The following SI variants were observed in gnomAD, a reference collection of about 807,000 sequenced individuals.
The protein encoded by SI is sucrase-isomaltase.
A neutral mutation model predicts 253.3 loss-of-function variants in SI; 235 were observed. That is an observed-to-expected ratio of 0.93 (90% confidence interval 0.83 to 1.03). The LOEUF (loss-of-function observed/expected upper bound fraction) is 1.03, where lower values mean the gene tolerates loss of function less well. SI is among the 50% of genes least tolerant of loss of function. The probability of loss-of-function intolerance (pLI) is 0.00; values close to 1 mark genes in which losing one functional copy is unlikely to be tolerated. For missense variants in SI, 2,442 were observed against 2,211.1 expected (o/e 1.10, Z -2.09); for synonymous variants, 819 against 712.0 (o/e 1.15, Z -2.39).
At chr3:165,019,043 G>C (rs1719178462) in intron 28 of SI, among the ~76,000 whole-genome samples, 1 of 151,686 alleles carries the variant, frequency 6.6e-6, no homozygotes, top group Admixed American at 6.6e-5. Context: ...GAATATTATA[G>C]ATAATATTAT....
At chr3:164,984,509 A>T (rs1464616494) in intron 45 of SI, among the ~76,000 whole-genome samples, 1 of 152,124 alleles carries the variant, frequency 6.6e-6, no homozygotes, top group Non-Finnish European at 1.5e-5. Flanking sequence ...ATTCTGAGTT[A>T]AAAAAAGCAA....
At chr3:165,066,036 C>G (rs1369581466) in intron 6 of SI, among the ~76,000 whole-genome samples, 1 of 151,710 alleles carries the variant, frequency 6.6e-6, no homozygotes, top group African/African-American at 2.4e-5. Flanking sequence ...ATGGATTCAA[C>G]CAACCAGGGA....
At chr3:165,074,181 T>G (rs1035451354) in intron 3 of SI, among the ~76,000 whole-genome samples, 1 of 152,098 alleles carries the variant, frequency 6.6e-6, no homozygotes, top group Admixed American at 6.6e-5. Context: ...ACAAATACTC[T>G]ACTGGAACAT....
intron 22 of SI, among the ~76,000 whole-genome samples, chr3:165,033,940 T>G (rs1459581809): frequency 1.3e-5 from 2 of 151,640 alleles, no homozygotes; most frequent in Middle Eastern, 3.8e-3. Context: ...TTAAATAAAC[T>G]TTAATGAGGA....
chr3:165,055,448 T>G, intron 12 of SI, 141 bp from the exon 13 acceptor site: 1 of 550,816 alleles, frequency 1.8e-6, no homozygotes, highest in Non-Finnish European at 3.2e-6. Flanking sequence ...TATATAAATT[T>G]ACAAGAATAT....
rs769222598 is a variant in SI at position 165,075,961 on chromosome 3, C to G, written c.52G>C (p.Val18Leu). The change falls in exon 2 of 48, where the codon GTC becomes CTC. Residue 18 changes from valine (V) to leucine (L), a missense_variant. Coordinates refer to ENST00000264382, the MANE Select transcript of SI (RefSeq NM_001041.4). ...GLEISLIVLF[V>L]IVTIIAIALI... ...GCAATAGCTATTATAGTAACTATGA[C>G]AAAAAGGACAATCAGAGAGATTTCC... The G allele has an allele frequency of 1.3e-5, 21 of 1,596,556 alleles. No homozygotes were observed. The African/African-American group carries it at 2.3e-4, about 17-fold the overall frequency.
intron 28 of SI, among the ~76,000 whole-genome samples, 197 bp from the exon 29 acceptor site, chr3:165,018,263 T>A (rs557821660): frequency 4.6e-4 from 69 of 151,322 alleles, no homozygotes; most frequent in African/African-American, 1.6e-3. Flanking sequence ...TTTCGTGCAG[T>A]TTACAAATAT....
chr3:165,060,902 T>C (rs1713954282), intron 9 of SI, among the ~76,000 whole-genome samples: 1 of 148,232 alleles, frequency 6.7e-6, no homozygotes, highest in Non-Finnish European at 1.5e-5. Context: ...GATTTCTCCA[T>C]GATACATATG....
At chr3:165,006,466 G>T (rs751860198) in intron 37 of SI, among the ~76,000 whole-genome samples, 1 of 152,064 alleles carries the variant, frequency 6.6e-6, no homozygotes, top group East Asian at 1.9e-4. Context: ...ATGTCTTAAT[G>T]ATATCAAATT....
chr3:164,992,121 C>G, intron 43 of SI, 56 bp downstream of exon 43: 1 of 1,410,010 alleles, frequency 7.1e-7, no homozygotes, highest in Admixed American at 1.7e-5. Flanking sequence ...AAGGCTAGGG[C>G]CAAACAATTA....
At chr3:165,015,591 A>G (rs1718985557) in intron 32 of SI, among the ~76,000 whole-genome samples, 1 of 152,148 alleles carries the variant, frequency 6.6e-6, no homozygotes, top group African/African-American at 2.4e-5. Context: ...TTTAAATATG[A>G]AAAACATCAG....
intron 12 of SI, among the ~76,000 whole-genome samples, chr3:165,056,984 C>A (rs150507103): frequency 6.6e-6 from 1 of 151,868 alleles, no homozygotes; most frequent in East Asian, 1.9e-4. Context: ...ATTCACAAAA[C>A]GAACTAAATA....
chr3:165,041,126 A>T (rs757027898), intron 17 of SI, 32 bp from the exon 18 acceptor site: 1 of 1,602,176 alleles, frequency 6.2e-7, no homozygotes, highest in African/African-American at 1.3e-5. Context: ...TAAAATAAGA[A>T]AGCTAAAGTA....
intron 43 of SI, 54 bp from the exon 44 acceptor site, chr3:164,991,531 C>A: frequency 6.3e-7 from 1 of 1,583,944 alleles, no homozygotes; most frequent in Non-Finnish European, 8.7e-7. Flanking sequence ...GAATCATCAG[C>A]AACACTGGTA....
chr3:165,075,860 C>A (rs73880014), intron 2 of SI, 35 bp downstream of exon 2: 134,622 of 1,247,226 alleles, frequency 0.11, 7,859 homozygotes, highest in South Asian at 0.17. Flanking sequence ...CCTAACTTCA[C>A]GATAATGTAG....
chr3:164,989,389 G>GAAGGAAGAAAGAAAGA (rs1423338292), intron 44 of SI, among the ~76,000 whole-genome samples: 1 of 59,428 alleles, frequency 1.7e-5, no homozygotes, highest in Admixed American at 2.2e-4. Flanking sequence ...AGAAAGAAAG[G>GAAGGAAGAAAGAAAGA]AAGAAAGAAA....
chr3:165,080,580 G>T (rs935247801), upstream of SI, among the ~76,000 whole-genome samples: 1 of 151,930 alleles, frequency 6.6e-6, no homozygotes, highest in Non-Finnish European at 1.5e-5. Flanking sequence ...CCATAAAAAA[G>T]GATGAGTTCA....
rs143785935 is a variant in SI, at chr3:165,047,027, A to G, written c.1716-15T>C. On this transcript the variant is annotated splice_polypyrimidine_tract_variant and intron_variant, in intron 15 of 47. Coordinates refer to ENST00000264382, the MANE Select transcript of SI (RefSeq NM_001041.4). Reference sequence around the variant, plus strand: ...TTTGTACAGCTCTAAAAATAAAACCAAATTAACAAATACAATTTATTTTAA... The same window carrying G: ...TTTGTACAGCTCTAAAAATAAAACCGAATTAACAAATACAATTTATTTTAA... 1 of 1,514,760 alleles carries G rather than the reference A, an allele frequency of 6.6e-7. No homozygotes were observed. Among genetic ancestry groups the G allele is most frequent in the East Asian group, 2.3e-5 (1 of 43,104 alleles). 93.8% of individuals were successfully genotyped at this position (1,514,760 alleles called of 1,614,324 possible).
At chr3:164,997,726 G>A (rs1433680332) in intron 38 of SI, among the ~76,000 whole-genome samples, 2 of 151,656 alleles carry the variant, frequency 1.3e-5, no homozygotes, top group African/African-American at 4.8e-5. Flanking sequence ...CCAGTTATAA[G>A]TTAGAATATG....
Sources: gnomAD v4.1 joint callset for allele counts (sites outside exome capture counted in the v4.1 genomes callset) on GRCh38, gnomAD v4.1.1 for gene constraint, MANE v1.5 for transcripts, NCBI Gene and HGNC (gene_info 2026-07-23, HGNC 2026-07-21) for gene names.